SLC44A3: variants seen among roughly 807,000 people sequenced by gnomAD.
SLC44A3 encodes the protein solute carrier family 44 member 3.
SLC44A3 carries 74 observed loss-of-function variants against 75.4 expected under a neutral mutation model. The observed-to-expected ratio is 0.98, with a 90% confidence interval of 0.81 to 1.19. SLC44A3 has a LOEUF of 1.19. Ranked by LOEUF, SLC44A3 falls within the 50% of genes most tolerant of loss-of-function variation. The pLI is 0.00. For synonymous variants in SLC44A3, 310 were observed against 296.9 expected, an observed-to-expected ratio of 1.04 and a Z score of -0.45; for missense variants, 700 against 778.6, an observed-to-expected ratio of 0.90 and a Z score of 1.20.
At chr1:94,828,226 C>A (rs772644347) in intron 4 of SLC44A3, among the ~76,000 whole-genome samples, 10 of 152,184 alleles carry the variant, frequency 6.6e-5, no homozygotes, top group Non-Finnish European at 1.5e-4. Context: ...AACTATCAAG[C>A]TTCTACAAGA....
chr1:94,866,295 T>C (rs772601564), intron 11 of SLC44A3, among the ~76,000 whole-genome samples: 2 of 152,182 alleles, frequency 1.3e-5, no homozygotes, highest in Non-Finnish European at 2.9e-5. Flanking sequence ...AAACGGCCTT[T>C]CATAAATCTA....
intron 12 of SLC44A3, among the ~76,000 whole-genome samples, chr1:94,882,521 CTG>C (rs1226036816): frequency 1.3e-5 from 2 of 152,192 alleles, no homozygotes; most frequent in Non-Finnish European, 2.9e-5. Flanking sequence ...CTTTCCACCA[CTG>C]ATTATGCACA....
At chr1:94,894,097 C>T (rs1369552497) in intron 14 of SLC44A3, among the ~76,000 whole-genome samples, 1 of 151,652 alleles carries the variant, frequency 6.6e-6, no homozygotes, top group Non-Finnish European at 1.5e-5. Flanking sequence ...TCCGTCTCCA[C>T]CACCTCCCCC....
chr1:94,848,914 C>T (rs546009551), intron 9 of SLC44A3, among the ~76,000 whole-genome samples: 2 of 152,136 alleles, frequency 1.3e-5, no homozygotes, highest in South Asian at 2.1e-4. Flanking sequence ...CAGAAAGAGG[C>T]AAAGGGGGAT....
At chr1:94,885,894 T>C (rs1669534289) in intron 12 of SLC44A3, among the ~76,000 whole-genome samples, 1 of 152,166 alleles carries the variant, frequency 6.6e-6, no homozygotes, top group African/African-American at 2.4e-5. Context: ...GCCTACTGAC[T>C]GGAAAAGAAA....
In SLC44A3 at chr1:94,825,080, AT is replaced by A. The variant is rs199775641; in HGVS notation, c.278+446del. Reference sequence around the variant, plus strand: ...ATTGTTTCTACGTGGAAATACCCGAATGCCACCTGGAACACTGGGGACCTGT... The same window carrying A: ...ATTGTTTCTACGTGGAAATACCCGAAGCCACCTGGAACACTGGGGACCTGT... On this transcript the variant is annotated intron_variant, in intron 3 of 14. Coordinates refer to ENST00000271227, the MANE Select transcript of SLC44A3 (RefSeq NM_001114106.3). Among the ~76,000 whole-genome samples the A allele has an allele frequency of 8.9e-3, 1,355 of 152,292 alleles. 25 individuals carry two copies. Among genetic ancestry groups the A allele is most frequent in the African/African-American group, 0.031 (1,306 of 41,558 alleles).
chr1:94,857,809 CTTTTTTTTT>C (rs34204401), intron 10 of SLC44A3, among the ~76,000 whole-genome samples: 4 of 64,006 alleles, frequency 6.2e-5, no homozygotes, highest in African/African-American at 2.2e-4. Context: ...ATGGAGTAGC[CTTTTTTTTT>C]TTTTTTTTTT....
In SLC44A3 at chr1:94,820,413, G is replaced by C; in HGVS notation, c.-39G>C. 2 of 1,446,416 alleles carry C rather than the reference G, an allele frequency of 1.4e-6. No individual in the cohort carries two copies. Among genetic ancestry groups the C allele is most frequent in the South Asian group, 1.3e-5 (1 of 74,274 alleles). The allele number at this position is 1,446,416 out of a possible 1,614,324, so 89.6% of individuals were successfully genotyped here. The stretch of plus-strand genomic sequence containing the variant: ...TGCGTCTCCGCGTACAGGAGGCGGC[G>C]GCGGCTCCCAGTCACCGGCCCCCGC... On this transcript the variant is annotated 5_prime_UTR_variant, in exon 1 of 15. Coordinates refer to ENST00000271227, the MANE Select transcript of SLC44A3 (RefSeq NM_001114106.3).
intron 3 of SLC44A3, chr1:94,825,915 T>C (rs779262178): frequency 1.1e-5 from 5 of 456,260 alleles, no homozygotes; most frequent in Non-Finnish European, 2.2e-5. Context: ...CATAATGCAG[T>C]GTCAACAAAC....
At chr1:94,836,837 G>T (rs1274530117) in intron 5 of SLC44A3, 1 of 151,634 alleles carries the variant, frequency 6.6e-6, no homozygotes, top group Non-Finnish European at 1.5e-5. Flanking sequence ...CTTGAGCCCT[G>T]GAGGCAGAGG....
intron 12 of SLC44A3, among the ~76,000 whole-genome samples, chr1:94,874,148 G>A (rs1668045892): frequency 1.3e-5 from 2 of 152,222 alleles, no homozygotes; most frequent in South Asian, 4.1e-4. Flanking sequence ...GCTGTTGTGT[G>A]GCAAATGCTA....
chr1:94,886,615 C>G (rs1018439809), intron 12 of SLC44A3, among the ~76,000 whole-genome samples: 2 of 152,140 alleles, frequency 1.3e-5, no homozygotes, highest in Non-Finnish European at 2.9e-5. Context: ...TTCCCCTCTC[C>G]CTCCAGCTTG....
At chr1:94,873,430 T>C (rs1380371447) in intron 12 of SLC44A3, among the ~76,000 whole-genome samples, 2 of 152,172 alleles carry the variant, frequency 1.3e-5, no homozygotes, top group Non-Finnish European at 2.9e-5. Flanking sequence ...AGGTCCCAGA[T>C]AATCTTGTGA....
At chr1:94,825,095 C>T (rs1661124406) in intron 3 of SLC44A3, among the ~76,000 whole-genome samples, 1 of 152,194 alleles carries the variant, frequency 6.6e-6, no homozygotes, top group Non-Finnish European at 1.5e-5. Context: ...ACCTGGAACA[C>T]TGGGGACCTG....
intron 10 of SLC44A3, among the ~76,000 whole-genome samples, chr1:94,859,518 A>G (rs1308793807): frequency 6.6e-6 from 1 of 152,230 alleles, no homozygotes; most frequent in Admixed American, 6.5e-5. Context: ...ATGCAGCCTG[A>G]AGTGAGCCAC....
At chr1:94,853,592 T>A (rs1355460486) in intron 9 of SLC44A3, among the ~76,000 whole-genome samples, 1 of 152,164 alleles carries the variant, frequency 6.6e-6, no homozygotes, top group Non-Finnish European at 1.5e-5. Context: ...TTTATTAATA[T>A]CATGTTCTGG....
At chr1:94,849,790 C>A (rs1664967303) in intron 9 of SLC44A3, among the ~76,000 whole-genome samples, 1 of 152,114 alleles carries the variant, frequency 6.6e-6, no homozygotes, top group Admixed American at 6.5e-5. Flanking sequence ...GTTTGTTTTT[C>A]TTGAGACAGG....
intron 9 of SLC44A3, chr1:94,855,557 A>C (rs1665774737): frequency 6.6e-6 from 1 of 152,216 alleles, no homozygotes; most frequent in Non-Finnish European, 1.5e-5. Context: ...GCATTTATCC[A>C]TGCCTTACCC....
chr1:94,854,633 C>T (rs960397209), intron 9 of SLC44A3, among the ~76,000 whole-genome samples: 15 of 152,264 alleles, frequency 9.9e-5, no homozygotes, highest in Non-Finnish European at 2.2e-4. Context: ...CAACCGCAGA[C>T]TCCGAGCTAG....
Sources: allele counts gnomAD v4.1 joint callset (sites outside exome capture counted in the v4.1 genomes callset), GRCh38; gene constraint gnomAD v4.1.1; transcripts MANE v1.5; gene names NCBI Gene and HGNC (gene_info 2026-07-23, HGNC 2026-07-21).